Variants in ADAMTS18 observed in about 807,000 individuals in gnomAD.
ADAMTS18 encodes the protein ADAM metallopeptidase with thrombospondin type 1 motif 18.
Under a neutral mutation model 165.9 loss-of-function variants are expected in ADAMTS18, and 157 were observed. That is an observed-to-expected ratio of 0.95 (90% CI 0.83 to 1.08). The LOEUF (loss-of-function observed/expected upper bound fraction) is 1.08, where lower values mean the gene tolerates loss of function less well. ADAMTS18 is among the 50% of genes least tolerant of loss of function. The probability of loss-of-function intolerance (pLI) is 0.00; values close to 1 mark genes in which losing one functional copy is unlikely to be tolerated. For synonymous variants in ADAMTS18, 782 were observed against 578.2 expected (o/e 1.35, Z -5.06); for missense variants, 2,040 against 1,534.0 (o/e 1.33, Z -5.51).
chr16:77,298,637 A>T (rs938251043), intron 17 of ADAMTS18, among the ~76,000 whole-genome samples: 2 of 152,132 alleles, frequency 1.3e-5, no homozygotes, highest in African/African-American at 4.8e-5. Context: ...ATAAAAAAGA[A>T]AAAAACGGGC....
At chr16:77,343,107 T>C (rs2056424067) in intron 10 of ADAMTS18, among the ~76,000 whole-genome samples, 1 of 151,160 alleles carries the variant, frequency 6.6e-6, no homozygotes, top group Non-Finnish European at 1.5e-5. Flanking sequence ...AGTTTCACTC[T>C]TGTCACCCAG....
intron 19 of ADAMTS18, 29 bp from the exon 20 acceptor site, chr16:77,293,287 A>C (rs1279019663): frequency 5.0e-6 from 8 of 1,593,890 alleles, no homozygotes; most frequent in Non-Finnish European, 3.4e-6. Context: ...TTCTATTTGC[A>C]TTCCCATTAG....
intron 3 of ADAMTS18, among the ~76,000 whole-genome samples, chr16:77,383,112 G>A (rs193065433): frequency 5.8e-4 from 89 of 152,252 alleles, no homozygotes; most frequent in African/African-American, 2.1e-3. Context: ...TGTCCCTCCT[G>A]TGTTCTCATT....
chr16:77,351,541 A>G (rs771989936), intron 10 of ADAMTS18, among the ~76,000 whole-genome samples: 9 of 152,242 alleles, frequency 5.9e-5, no homozygotes, highest in Non-Finnish European at 1.3e-4. Context: ...GAAGAAAATT[A>G]TACTTATTAC....
chr16:77,405,457 T>C (rs2057382210), intron 3 of ADAMTS18, among the ~76,000 whole-genome samples: 1 of 152,220 alleles, frequency 6.6e-6, no homozygotes, highest in African/African-American at 2.4e-5. Flanking sequence ...CAATTTGATG[T>C]TGAGGACATA....
intron 7 of ADAMTS18, among the ~76,000 whole-genome samples, chr16:77,360,547 G>C (rs961233112): frequency 1.3e-5 from 2 of 150,298 alleles, no homozygotes; most frequent in African/African-American, 2.5e-5. Flanking sequence ...CTGGATAACA[G>C]ATAACACTGT....
intron 3 of ADAMTS18, among the ~76,000 whole-genome samples, chr16:77,386,512 T>C (rs1346986640): frequency 2.0e-5 from 3 of 152,210 alleles, no homozygotes; most frequent in African/African-American, 7.2e-5. Context: ...GTACAACTGC[T>C]GGGCAGCAGC....
intron 3 of ADAMTS18, among the ~76,000 whole-genome samples, chr16:77,417,215 T>C (rs1488083324): frequency 6.6e-6 from 1 of 152,028 alleles, no homozygotes; most frequent in Non-Finnish European, 1.5e-5. Flanking sequence ...TGTGAAGACA[T>C]ACAGTAGGCT....
chr16:77,338,007 G>A (rs191745390), intron 11 of ADAMTS18, among the ~76,000 whole-genome samples: 8 of 150,918 alleles, frequency 5.3e-5, no homozygotes, highest in African/African-American at 1.5e-4. Context: ...AGGTTCAAGC[G>A]ATTCTCCTGC....
At chr16:77,412,073 A>G (rs1257959198) in intron 3 of ADAMTS18, among the ~76,000 whole-genome samples, 1 of 152,042 alleles carries the variant, frequency 6.6e-6, no homozygotes, top group Non-Finnish European at 1.5e-5. Context: ...TAGACTGAGT[A>G]AAGCAGATGG....
intron 3 of ADAMTS18, among the ~76,000 whole-genome samples, chr16:77,385,349 G>A (rs368326465): frequency 9.9e-5 from 15 of 152,282 alleles, no homozygotes; most frequent in African/African-American, 3.6e-4. Context: ...CTCAATGCAT[G>A]TTTGCTGAAA....
chr16:77,408,391 C>T (rs140812125), intron 3 of ADAMTS18, among the ~76,000 whole-genome samples: 1 of 152,036 alleles, frequency 6.6e-6, no homozygotes, highest in East Asian at 1.9e-4. Flanking sequence ...AACCATAAGA[C>T]CTGCAAAAAG....
chr16:77,302,264 G>A (rs1459426725), intron 16 of ADAMTS18, among the ~76,000 whole-genome samples: 1 of 152,132 alleles, frequency 6.6e-6, no homozygotes, highest in Non-Finnish European at 1.5e-5. Context: ...ACATTCAGAA[G>A]ATGATCCTGA....
chr16:77,344,502 G>C (rs1045739119), intron 10 of ADAMTS18, among the ~76,000 whole-genome samples: 2 of 152,088 alleles, frequency 1.3e-5, no homozygotes, highest in African/African-American at 4.8e-5. Context: ...TATGTGAAAT[G>C]GGAGGCATGA....
chr16:77,296,844 G>T (rs8050772), intron 18 of ADAMTS18, among the ~76,000 whole-genome samples: 135,927 of 152,166 alleles, frequency 0.89, 62,380 homozygotes, highest in Non-Finnish European at 0.99. Context: ...AAAAAAAAGA[G>T]GTCTTCATAT....
chr16:77,303,802 G>C (rs1176305538), intron 16 of ADAMTS18, among the ~76,000 whole-genome samples: 1 of 152,204 alleles, frequency 6.6e-6, no homozygotes, highest in African/African-American at 2.4e-5. Flanking sequence ...GGGAGGCCGA[G>C]GTGGGTGGAT....
intron 3 of ADAMTS18, among the ~76,000 whole-genome samples, chr16:77,418,034 A>G (rs150528617): frequency 1.1e-4 from 16 of 152,318 alleles, no homozygotes; most frequent in African/African-American, 3.4e-4. Flanking sequence ...TAAAAATGCA[A>G]GGGTGAATTT....
In ADAMTS18 at chr16:77,312,365, G is replaced by A. The variant is rs112492310; in HGVS notation, c.2532+7484C>T. ...AATTCTCCCTGCCTCAGCCTCCCCA[G>A]TACCTAGGATTATAGGCGCCCGCCA... On this transcript the variant is annotated intron_variant, in intron 16 of 22. Coordinates refer to ENST00000282849, the MANE Select transcript of ADAMTS18 (RefSeq NM_199355.4). Among the ~76,000 whole-genome samples the A allele has an allele frequency of 8.6e-3, 1,314 of 151,920 alleles. 22 individuals carry two copies. The highest frequency in any genetic ancestry group is 0.03 in the African/African-American group (1,255 of 41,408).
At chr16:77,320,249 G>GAT (rs533080203) in intron 15 of ADAMTS18, among the ~76,000 whole-genome samples, 156 bp from the exon 16 acceptor site, 108 of 152,204 alleles carry the variant, frequency 7.1e-4, no homozygotes, top group African/African-American at 2.4e-3. Context: ...CATGATCAAT[G>GAT]ATTTCATTGT....
Sources: allele counts gnomAD v4.1 joint callset (sites outside exome capture counted in the v4.1 genomes callset), GRCh38; gene constraint gnomAD v4.1.1; transcripts MANE v1.5; gene names NCBI Gene and HGNC (gene_info 2026-07-23, HGNC 2026-07-21).